The following SMG5 variants were observed in gnomAD, a reference collection of about 807,000 sequenced individuals.
SMG5 encodes the protein SMG5 nonsense mediated mRNA decay factor.
Under a neutral mutation model 122.9 loss-of-function variants are expected in SMG5, and 53 were observed. The observed-to-expected ratio is 0.43, with a 90% CI of 0.35 to 0.54. The LOEUF (loss-of-function observed/expected upper bound fraction) is 0.54, where lower values mean the gene tolerates loss of function less well. Among genes scored for constraint, SMG5 ranks in the 20% least tolerant of loss-of-function variants. The pLI, the probability that SMG5 is intolerant of heterozygous loss-of-function variation, is 0.01. For synonymous variants in SMG5, 477 were observed against 490.2 expected, an observed-to-expected ratio of 0.97 and a Z score of 0.35; for missense variants, 1,153 against 1,285.6, an observed-to-expected ratio of 0.90 and a Z score of 1.58.
chr1:156,260,638 A>G lies in SMG5; in HGVS notation c.2108-12T>C, dbSNP rs12139321. The G allele has an allele frequency of 0.27, 398,726 of 1,484,354 alleles. 55,592 individuals carry two copies. Among genetic ancestry groups the G allele is most frequent in the Non-Finnish European group, 0.28 (316,085 of 1,120,008 alleles). 91.9% of individuals were successfully genotyped at this position (1,484,354 alleles called of 1,614,324 possible). The stretch of plus-strand genomic sequence containing the variant: ...ACACAAGGCCAGGCCTGGGCAGAAG[A>G]AGGACACATAAGACCATCTGTCCTG... On this transcript the variant is annotated splice_polypyrimidine_tract_variant and intron_variant, in intron 14 of 21. Transcript: ENST00000361813.
intron 3 of SMG5, 71 bp from the exon 4 acceptor site, chr1:156,277,312 G>C (rs1662728512): frequency 6.7e-7 from 1 of 1,503,416 alleles, no homozygotes. Context: ...CCCTTACCCT[G>C]TTCATCTCAC....
rs770749472 is a variant in SMG5 at position 156,273,374 on chromosome 1, T to C, written c.621A>G (p.Val207=). The C allele has an allele frequency of 1.2e-5, 19 of 1,613,560 alleles. No individual in the cohort carries two copies. The highest frequency in any genetic ancestry group is 1.6e-5 in the Non-Finnish European group (19 of 1,179,954). ...GGGACAACTTACCAATCTGAGGAGC[T>C]ACTGACAGGGCTTGGTAGTAAAATC... ...AERFYYQALS[V]APQIGMPFNQ... The change falls in exon 6 of 22, where the codon GTA becomes GTG. Residue 207 remains valine (V), a synonymous_variant. Transcript: ENST00000361813.
At position 156,249,462 on chromosome 1, in the gene SMG5, G is replaced by C; in HGVS notation, c.*1125C>G. 2.9e-6 allele frequency: 1 copy of C among 343,110 alleles called. No homozygotes were observed. Among genetic ancestry groups the C allele is most frequent in the South Asian group, 2.2e-5 (1 of 44,620 alleles). The allele number at this position is 343,110 out of a possible 1,614,324, so 21.3% of individuals were successfully genotyped here. On this transcript the variant is annotated 3_prime_UTR_variant, in exon 22 of 22. Transcript: ENST00000361813. ...CCTGTGCTATCCTCCCAGCCTGAGG[G>C]GGAGGAGCTGAGGCAATCCTGGCTG...
intron 15 of SMG5, among the ~76,000 whole-genome samples, chr1:156,259,649 C>G (rs1436703944): frequency 6.6e-6 from 1 of 152,078 alleles, no homozygotes; most frequent in Non-Finnish European, 1.5e-5. Context: ...CCTGCCTCGG[C>G]CCCCAAGTAG....
chr1:156,285,276 C>A, upstream of SMG5: 1 of 1,567,684 alleles, frequency 6.4e-7, no homozygotes. Flanking sequence ...AGGTCTGATT[C>A]CCCAGAGAAG....
In SMG5 at chr1:156,260,512, C is replaced by G. The variant is rs368730158; in HGVS notation, c.2222G>C (p.Arg741Pro). The G allele has an allele frequency of 6.3e-7, 1 of 1,590,150 alleles. No individual in the cohort carries two copies. The highest frequency in any genetic ancestry group is 1.8e-5 in the Admixed American group (1 of 54,450). The change falls in exon 15 of 22, where the codon CGA becomes CCA. Residue 741 changes from arginine (R) to proline (P), a missense_variant. By Grantham distance (103) the Arg-to-Pro change is moderately radical. Coordinates refer to ENST00000361813, the MANE Select transcript of SMG5 (RefSeq NM_015327.3). ...AAAGTTAAAGCGTCTGTGGGCAGCT[C>G]GGAGCGGGGGCAGGTTACGAAGAGC... ...DMALRNLPPL[R>P]AAHRRFNFDT...
chr1:156,291,510 A>G, the SMG5 span: 1 of 1,609,806 alleles, frequency 6.2e-7, no homozygotes, highest in South Asian at 1.1e-5. Flanking sequence ...GTGGAGCCGG[A>G]GCGCATGCTC....
chr1:156,291,296 C>T, the SMG5 span: 1 of 1,209,218 alleles, frequency 8.3e-7, no homozygotes, highest in Non-Finnish European at 1.2e-6. Flanking sequence ...CATCTGCCTC[C>T]CCTATCTACT....
intron 15 of SMG5, among the ~76,000 whole-genome samples, chr1:156,259,811 G>A (rs1016344478): frequency 6.6e-6 from 1 of 152,190 alleles, no homozygotes; most frequent in African/African-American, 2.4e-5. Flanking sequence ...GGATTACAAA[G>A]GTGAGCCATT....
intron 5 of SMG5, among the ~76,000 whole-genome samples, chr1:156,273,749 G>GTCT (rs1369880014): frequency 7.0e-6 from 1 of 143,030 alleles, no homozygotes; most frequent in Non-Finnish European, 1.5e-5. Context: ...TAGAGACGGG[G>GTCT]TCTTGCTGTC....
chr1:156,278,869 GAGA>G (rs1260671023), intron 2 of SMG5, 64 bp downstream of exon 2: 9 of 1,335,232 alleles, frequency 6.7e-6, no homozygotes, highest in South Asian at 5.9e-5. Flanking sequence ...TTATATATCT[GAGA>G]AGGTTTCTGG....
intron 16 of SMG5, among the ~76,000 whole-genome samples, chr1:156,254,726 C>T (rs766551444): frequency 1.3e-5 from 2 of 151,702 alleles, no homozygotes; most frequent in African/African-American, 2.4e-5. Context: ...ATTACTGGTG[C>T]GAGCCACAGC....
chr1:156,253,655 G>T, intron 16 of SMG5, 147 bp from the exon 17 acceptor site: 1 of 718,942 alleles, frequency 1.4e-6, no homozygotes, highest in Admixed American at 2.2e-5. Context: ...GGGAGGAGAG[G>T]CATGGAAGAA....
At chr1:156,253,592 G>A in intron 16 of SMG5, 84 bp from the exon 17 acceptor site, 3 of 1,293,654 alleles carry the variant, frequency 2.3e-6, no homozygotes, top group Non-Finnish European at 3.4e-6. Context: ...GGTTTCCTGG[G>A]GTCTCAGTGT....
intron 1 of SMG5, among the ~76,000 whole-genome samples, chr1:156,281,895 T>C (rs1426721406): frequency 7.2e-5 from 11 of 152,076 alleles, no homozygotes; most frequent in Admixed American, 5.9e-4. Context: ...GGTGGCATTA[T>C]GGAAATCAGA....
At chr1:156,262,732 A>G (rs932451385) in intron 13 of SMG5, among the ~76,000 whole-genome samples, 7 of 152,240 alleles carry the variant, frequency 4.6e-5, no homozygotes, top group East Asian at 3.9e-4. Context: ...CACACACCCA[A>G]CGGTGCACCT....
intron 10 of SMG5, among the ~76,000 whole-genome samples, chr1:156,267,227 G>A (rs1352774051): frequency 3.3e-5 from 5 of 152,248 alleles, no homozygotes; most frequent in Non-Finnish European, 5.9e-5. Context: ...CTGGCCAAGG[G>A]TGTGCATATT....
the SMG5 span, among the ~76,000 whole-genome samples, chr1:156,289,388 C>T: frequency 6.6e-6 from 1 of 152,164 alleles, no homozygotes; most frequent in Non-Finnish European, 1.5e-5. Flanking sequence ...GCGGGTGGAT[C>T]ACCAGGTCAG....
At chr1:156,278,136 C>T in intron 2 of SMG5, 88 bp from the exon 3 acceptor site, 1 of 1,506,548 alleles carries the variant, frequency 6.6e-7, no homozygotes, top group East Asian at 2.3e-5. Context: ...TGTGCCAACA[C>T]CCCCACCAAC....
Sources: allele counts gnomAD v4.1 joint callset (sites outside exome capture counted in the v4.1 genomes callset), GRCh38; gene constraint gnomAD v4.1.1; transcripts MANE v1.5; gene names NCBI Gene and HGNC (gene_info 2026-07-23, HGNC 2026-07-21).